Variants in PLSCR2 observed in about 807,000 individuals in gnomAD.
The protein encoded by PLSCR2 is phospholipid scramblase 2, also known as PL scramblase 2.
Under a neutral mutation model 25.3 loss-of-function variants are expected in PLSCR2, and 18 were observed. That is an observed-to-expected ratio of 0.71 (90% CI 0.49 to 1.06). The LOEUF (loss-of-function observed/expected upper bound fraction) is 1.06, where lower values mean the gene tolerates loss of function less well. Among genes scored for constraint, PLSCR2 ranks in the 50% least tolerant of loss-of-function variants. The probability of loss-of-function intolerance (pLI) is 0.00; values close to 1 mark genes in which losing one functional copy is unlikely to be tolerated. For synonymous variants in PLSCR2, 88 were observed against 87.3 expected, an observed-to-expected ratio of 1.01 and a Z score of -0.04; for missense variants, 243 against 269.5, an observed-to-expected ratio of 0.90 and a Z score of 0.69.
chr3:146,470,132 G>C (rs1388426643), intron 1 of PLSCR2, among the ~76,000 whole-genome samples: 1 of 152,132 alleles, frequency 6.6e-6, no homozygotes, highest in African/African-American at 2.4e-5. Context: ...TTTAAGTTAA[G>C]AGTGAAAATG....
intron 1 of PLSCR2, among the ~76,000 whole-genome samples, chr3:146,471,290 C>G (rs1234927886): frequency 1.3e-5 from 2 of 152,114 alleles, no homozygotes; most frequent in African/African-American, 2.4e-5. Flanking sequence ...CATGGGATTT[C>G]TAATTTTTCC....
chr3:146,428,672 A>G (rs941116416), downstream of PLSCR2, among the ~76,000 whole-genome samples: 6 of 152,102 alleles, frequency 3.9e-5, no homozygotes, highest in Admixed American at 2.6e-4. Context: ...CCCTCAGACA[A>G]TGGCTTCTGC....
chr3:146,407,500 G>A (rs2108023942), intron 2 of PLSCR2, among the ~76,000 whole-genome samples: 2 of 152,354 alleles, frequency 1.3e-5, no homozygotes, highest in South Asian at 4.1e-4. Context: ...GGCCTGGGCT[G>A]GGTTTAGGAC....
chr3:146,473,019 C>A (rs2042168417), intron 1 of PLSCR2, among the ~76,000 whole-genome samples: 1 of 152,158 alleles, frequency 6.6e-6, no homozygotes, highest in South Asian at 2.1e-4. Flanking sequence ...GAATTTTTAA[C>A]CTTTCCTTAA....
intron 1 of PLSCR2, among the ~76,000 whole-genome samples, chr3:146,493,215 T>C (rs1409796095): frequency 2.0e-5 from 3 of 151,974 alleles, no homozygotes. Context: ...CTACAAGATA[T>C]ACAAATAATA....
At chr3:146,439,337 G>A (rs2040092086), downstream of PLSCR2, among the ~76,000 whole-genome samples, 1 of 152,170 alleles carries the variant, frequency 6.6e-6, no homozygotes, top group Non-Finnish European at 1.5e-5. Flanking sequence ...GCTAGGTTGG[G>A]GAAGTTCTCC....
chr3:146,419,359 T>C (rs2039077639), intron 2 of PLSCR2, among the ~76,000 whole-genome samples: 1 of 152,152 alleles, frequency 6.6e-6, no homozygotes, highest in Admixed American at 6.6e-5. Context: ...ACTAACAGTC[T>C]TGTAAAGTAA....
chr3:146,426,947 A>G (rs935595814), intron 2 of PLSCR2, among the ~76,000 whole-genome samples: 1 of 152,226 alleles, frequency 6.6e-6, no homozygotes, highest in African/African-American at 2.4e-5. Context: ...CTTTGGCCCT[A>G]CATCCAAAGA....
chr3:146,494,725 C>T (rs1300392357), intron 1 of PLSCR2: 1 of 152,118 alleles, frequency 6.6e-6, no homozygotes, highest in Non-Finnish European at 1.5e-5. Context: ...TAGTAATAAT[C>T]ACACAATTAT....
At chr3:146,436,016 T>G (rs2039833354) in intron 8 of PLSCR2, among the ~76,000 whole-genome samples, 1 of 152,198 alleles carries the variant, frequency 6.6e-6, no homozygotes, top group Admixed American at 6.5e-5. Context: ...CCAGCACCAT[T>G]TATTTAATAG....
At chr3:146,429,725 A>T (rs974868326), downstream of PLSCR2, among the ~76,000 whole-genome samples, 2 of 151,934 alleles carry the variant, frequency 1.3e-5, no homozygotes, top group Non-Finnish European at 2.9e-5. Flanking sequence ...TCCTGGGTTC[A>T]TGCCATTCTC....
At chr3:146,469,789 C>T (rs1192984208) in intron 1 of PLSCR2, among the ~76,000 whole-genome samples, 1 of 34,900 alleles carries the variant, frequency 2.9e-5, no homozygotes, top group African/African-American at 1.0e-4. Flanking sequence ...CACCCCCCCA[C>T]GCCGTGTGCG....
chr3:146,458,375 C>G, intron 3 of PLSCR2, 36 bp downstream of exon 3: 2 of 1,460,768 alleles, frequency 1.4e-6, no homozygotes, highest in Non-Finnish European at 1.8e-6. Flanking sequence ...AACTTCTTCT[C>G]TTTTTAGAAC....
At chr3:146,440,834 G>T (rs992431457), downstream of PLSCR2, among the ~76,000 whole-genome samples, 1 of 152,104 alleles carries the variant, frequency 6.6e-6, no homozygotes, top group Non-Finnish European at 1.5e-5. Flanking sequence ...TTAGGAATTT[G>T]ATTTTTGGCA....
intron 5 of PLSCR2, among the ~76,000 whole-genome samples, chr3:146,449,949 GGCAAGACCA>G (rs1429030761): frequency 2.0e-5 from 3 of 152,152 alleles, no homozygotes; most frequent in Admixed American, 6.5e-5. Context: ...CAAGGGTGTG[GGCAAGACCA>G]GCTAACTAGT....
intron 1 of PLSCR2, among the ~76,000 whole-genome samples, chr3:146,479,853 A>G (rs993880639): frequency 6.6e-6 from 1 of 152,210 alleles, no homozygotes; most frequent in Non-Finnish European, 1.5e-5. Context: ...ACTCCTCTGC[A>G]AATGTAAAAG....
intron 1 of PLSCR2, among the ~76,000 whole-genome samples, chr3:146,492,919 A>G (rs2043602955): frequency 6.6e-6 from 1 of 152,002 alleles, no homozygotes; most frequent in Non-Finnish European, 1.5e-5. Context: ...CTAGATGAAT[A>G]AAGAAAAAAA....
downstream of PLSCR2, among the ~76,000 whole-genome samples, chr3:146,428,964 CTA>C (rs992572751): frequency 6.6e-6 from 1 of 152,096 alleles, no homozygotes; most frequent in Non-Finnish European, 1.5e-5. Context: ...GTCCTTTTTT[CTA>C]TGTTTGTTCT....
At chr3:146,493,065 A>G (rs892210381) in intron 1 of PLSCR2, among the ~76,000 whole-genome samples, 1 of 152,118 alleles carries the variant, frequency 6.6e-6, no homozygotes, top group Admixed American at 6.5e-5. Context: ...AGAAGAAATA[A>G]ATAAATTTCT....
Sources: gnomAD v4.1 joint callset for allele counts (sites outside exome capture counted in the v4.1 genomes callset) on GRCh38, gnomAD v4.1.1 for gene constraint, MANE v1.5 for transcripts, NCBI Gene and HGNC (gene_info 2026-07-23, HGNC 2026-07-21) for gene names.